The following FRMD3 variants were observed in gnomAD, a reference collection of about 807,000 sequenced individuals.
FRMD3 encodes the protein FERM domain-containing protein 3.
A neutral mutation model predicts 70.2 loss-of-function variants in FRMD3; 33 were observed. That is an observed-to-expected ratio of 0.47 (90% CI 0.36 to 0.63). The LOEUF is 0.63. Among genes scored for constraint, FRMD3 ranks in the 20% least tolerant of loss-of-function variants. The pLI, the probability that FRMD3 is intolerant of heterozygous loss-of-function variation, is 0.00. For synonymous variants in FRMD3, 279 were observed against 255.9 expected, an observed-to-expected ratio of 1.09 and a Z score of -0.86; for missense variants, 632 against 711.4, an observed-to-expected ratio of 0.89 and a Z score of 1.27.
rs199551115 is a variant in FRMD3 at position 83,390,401 on chromosome 9, T to TA, written c.148-694dup. Reference sequence around the variant, plus strand: ...ATTCCCTGGCTCTCAGCGGGAATGGTAGGGAACCTGCTTCCTTGGTCCTCA... The same window carrying TA: ...ATTCCCTGGCTCTCAGCGGGAATGGTAAGGGAACCTGCTTCCTTGGTCCTCA... On this transcript the variant is annotated intron_variant, in intron 1 of 13. Coordinates refer to ENST00000304195, the MANE Select transcript of FRMD3 (RefSeq NM_174938.6). Among the ~76,000 whole-genome samples, 147 of 152,290 alleles carry TA rather than the reference T, an allele frequency of 9.7e-4. 2 individuals carry two copies. In the East Asian group the frequency reaches 0.026, roughly 27 times the overall value.
At chr9:83,499,973 T>A (rs769561914) in intron 1 of FRMD3, among the ~76,000 whole-genome samples, 7 of 152,162 alleles carry the variant, frequency 4.6e-5, no homozygotes, top group African/African-American at 7.2e-5. Flanking sequence ...CTTAAATGTG[T>A]GTTGCTAAAT....
At chr9:83,476,173 C>T (rs1828391375) in intron 1 of FRMD3, among the ~76,000 whole-genome samples, 1 of 152,152 alleles carries the variant, frequency 6.6e-6, no homozygotes, top group Non-Finnish European at 1.5e-5. Flanking sequence ...CACCTGAGGT[C>T]AGGATTTTGA....
At chr9:83,399,172 G>A (rs995623205) in intron 1 of FRMD3, among the ~76,000 whole-genome samples, 2 of 152,230 alleles carry the variant, frequency 1.3e-5, no homozygotes, top group African/African-American at 2.4e-5. Flanking sequence ...GAATACGTTG[G>A]TCAGTTTTTC....
chr9:83,415,543 C>T (rs1170866864), intron 1 of FRMD3, among the ~76,000 whole-genome samples: 1 of 149,662 alleles, frequency 6.7e-6, no homozygotes, highest in Non-Finnish European at 1.5e-5. Flanking sequence ...CCTGGGTTCA[C>T]ACCATACTCC....
chr9:83,537,499 G>A lies in FRMD3; in HGVS notation c.147+586C>T, dbSNP rs962522739. ...TCCCTCAAGGCTGGCGCCCAGGGCA[G>A]CCCGGCCTCTCTCACTCTGGGGAAA... On this transcript the variant is annotated intron_variant, in intron 1 of 13. Coordinates refer to ENST00000304195, the MANE Select transcript of FRMD3 (RefSeq NM_174938.6). The surrounding 1 kb of genome is among the most constrained non-coding windows in gnomAD (Gnocchi z 4.1). Among the ~76,000 whole-genome samples, 3 of 152,354 alleles carry A rather than the reference G, an allele frequency of 2.0e-5. No individual in the cohort carries two copies. Among genetic ancestry groups the A allele is most frequent in the Middle Eastern group, 3.4e-3 (1 of 294 alleles).
rs940285733 is a variant in FRMD3, at chr9:83,538,012, G to T, written c.147+73C>A. On this transcript the variant is annotated intron_variant, in intron 1 of 13. Coordinates refer to ENST00000304195, the MANE Select transcript of FRMD3 (RefSeq NM_174938.6). The surrounding 1 kb of genome is among the most constrained non-coding windows in gnomAD (Gnocchi z 4.7). ...CTCCGGGAGTGGGTTCCTTGTTCTC[G>T]CATGCCCACCGCAAAGGCCCCCCGC... The T allele has an allele frequency of 4.5e-6, 7 of 1,539,354 alleles. No homozygotes were observed. Among genetic ancestry groups the T allele is most frequent in the Middle Eastern group, 2.0e-4 (1 of 5,080 alleles).
the FRMD3 span, among the ~76,000 whole-genome samples, chr9:83,545,906 A>T: frequency 6.6e-6 from 1 of 152,236 alleles, no homozygotes; most frequent in African/African-American, 2.4e-5. Context: ...TATAGTCACC[A>T]GACTGTCCAA....
intron 6 of FRMD3, among the ~76,000 whole-genome samples, chr9:83,322,600 C>A (rs1439248398): frequency 1.3e-5 from 2 of 152,188 alleles, no homozygotes; most frequent in East Asian, 1.9e-4. Flanking sequence ...CTGTGGGATT[C>A]CATGTGGGTT....
At chr9:83,463,290 C>T (rs887706117) in intron 1 of FRMD3, among the ~76,000 whole-genome samples, 1 of 152,090 alleles carries the variant, frequency 6.6e-6, no homozygotes, top group Non-Finnish European at 1.5e-5. Context: ...TTGTATTAGT[C>T]TATTCTCATG....
At chr9:83,355,654 C>T (rs1296915553) in intron 3 of FRMD3, among the ~76,000 whole-genome samples, 1 of 152,148 alleles carries the variant, frequency 6.6e-6, no homozygotes, top group African/African-American at 2.4e-5. Context: ...GGAACGTGTA[C>T]ACAGGGCATT....
intron 13 of FRMD3, among the ~76,000 whole-genome samples, chr9:83,273,609 T>TAAAAAA (rs899879607): frequency 1.4e-5 from 1 of 71,324 alleles, no homozygotes; most frequent in Non-Finnish European, 2.8e-5. Flanking sequence ...CAATAAATAC[T>TAAAAAA]AAAAAAAAAA....
intron 1 of FRMD3, among the ~76,000 whole-genome samples, chr9:83,443,731 T>C (rs10780603): frequency 0.57 from 86,755 of 151,476 alleles, 25,948 homozygotes; most frequent in African/African-American, 0.77. Flanking sequence ...CCCCCACAAT[T>C]GTTGAAGCAG....
intron 3 of FRMD3, among the ~76,000 whole-genome samples, chr9:83,367,052 A>T (rs11140056): frequency 3.3e-5 from 5 of 152,052 alleles, no homozygotes; most frequent in Non-Finnish European, 7.4e-5. Flanking sequence ...AAAAAAAATT[A>T]TAAGTGAGAA....
At chr9:83,451,714 T>C (rs1827662942) in intron 1 of FRMD3, among the ~76,000 whole-genome samples, 2 of 152,224 alleles carry the variant, frequency 1.3e-5, no homozygotes, top group African/African-American at 4.8e-5. Flanking sequence ...TCACCCAAAA[T>C]GAGCTGGCCA....
In FRMD3 at chr9:83,245,893, G is replaced by A. The variant is rs748571283; in HGVS notation, c.*2025C>T. ...CAAGCTTCCAAAATAAATTGTTGAG[G>A]ATTCCAATCACAGAAAATATATTCC... is the stretch of plus-strand genomic sequence containing the variant. On this transcript the variant is annotated 3_prime_UTR_variant, in exon 14 of 14. Coordinates refer to ENST00000304195, the MANE Select transcript of FRMD3 (RefSeq NM_174938.6). 3.2e-4 allele frequency: 316 copies of A among 983,488 alleles called. 1 individual carries two copies. Among genetic ancestry groups the A allele is most frequent in the Admixed American group, 6.8e-4 (11 of 16,258 alleles). The allele number at this position is 983,488 out of a possible 1,614,324, so 60.9% of individuals were successfully genotyped here.
At position 83,310,464 on chromosome 9, in the gene FRMD3, TA is replaced by T. The variant is rs763452724; in HGVS notation, c.837+20del. The T allele has an allele frequency of 1.2e-4, 187 of 1,586,880 alleles. 1 individual carries two copies. The Admixed American group carries it at 1.8e-3, about 16-fold the overall frequency. ...TCATGCACACACAATAACAGGCAGT[TA>T]AAAAAAAGCAGTATCTGACCTCCTT... is the stretch of plus-strand genomic sequence containing the variant. On this transcript the variant is annotated intron_variant, in intron 9 of 13. Transcript: ENST00000304195.
chr9:83,441,195 T>C (rs1437069613), intron 1 of FRMD3, among the ~76,000 whole-genome samples: 1 of 152,190 alleles, frequency 6.6e-6, no homozygotes, highest in Non-Finnish European at 1.5e-5. Flanking sequence ...CACTGCAGCA[T>C]CACCTATCCC....
chr9:83,387,771 T>G (rs1321880178), intron 2 of FRMD3, among the ~76,000 whole-genome samples: 1 of 152,208 alleles, frequency 6.6e-6, no homozygotes, highest in Non-Finnish European at 1.5e-5. Context: ...AAGTTATGGC[T>G]ATGAATGTCT....
At chr9:83,474,616 C>A (rs1828349883) in intron 1 of FRMD3, among the ~76,000 whole-genome samples, 1 of 151,994 alleles carries the variant, frequency 6.6e-6, no homozygotes, top group Admixed American at 6.6e-5. Flanking sequence ...ATGTCTCATT[C>A]CAGCAATAAT....
Sources: allele counts gnomAD v4.1 joint callset (sites outside exome capture counted in the v4.1 genomes callset), GRCh38; gene constraint gnomAD v4.1.1; non-coding constraint Gnocchi (gnomAD v3.1); transcripts MANE v1.5; gene names NCBI Gene and HGNC (gene_info 2026-07-23, HGNC 2026-07-21).